Variants in VWA8 observed in about 807,000 individuals in gnomAD.
VWA8 encodes von Willebrand factor A domain-containing protein 8.
Under a neutral mutation model 241.5 loss-of-function variants are expected in VWA8, and 221 were observed. The observed-to-expected ratio is 0.91, with a 90% CI of 0.82 to 1.02. The LOEUF is 1.02. Ranked by LOEUF, VWA8 falls within the 50% of genes least tolerant of loss-of-function variation. VWA8 has a pLI of 0.00. For missense variants in VWA8, 2,322 were observed against 2,328.7 expected, an observed-to-expected ratio of 1.00 and a Z score of 0.06; for synonymous variants, 852 against 827.1, an observed-to-expected ratio of 1.03 and a Z score of -0.52.
chr13:41,581,010 A>AT lies in VWA8; in HGVS notation c.5272-5173dup, dbSNP rs1274814705. On this transcript the variant is annotated intron_variant, in intron 42 of 44. Transcript: ENST00000379310. Reference sequence around the variant, plus strand: ...ATTTTATTTTATTTTATTTTATTTTATTTTTTTTTGAGACGGAGTCTCGCT... The same window carrying AT: ...ATTTTATTTTATTTTATTTTATTTTATTTTTTTTTTGAGACGGAGTCTCGCT... Among the ~76,000 whole-genome samples, 10 of 127,350 alleles carry AT rather than the reference A, an allele frequency of 7.9e-5. 3 individuals are homozygous for AT. The highest frequency in any genetic ancestry group is 5.0e-4 in the South Asian group (2 of 4,000). 83.5% of individuals were successfully genotyped at this position (127,350 alleles called of 152,430 possible).
At position 41,761,120 on chromosome 13, in the gene VWA8, A is replaced by G; in HGVS notation, c.2426+8T>C. On this transcript the variant is annotated splice_region_variant and intron_variant, in intron 21 of 44. Transcript: ENST00000379310. ...ATTTTTAAGAGGTTGTGGGTCTAAT[A>G]GTCTTACCTGTGTAGCTGAATATAT... The G allele has an allele frequency of 6.2e-7, 1 of 1,609,838 alleles. No homozygotes were observed. Among genetic ancestry groups the G allele is most frequent in the Non-Finnish European group, 8.5e-7 (1 of 1,177,550 alleles).
At chr13:41,913,390 T>C (rs570985422) in intron 2 of VWA8, among the ~76,000 whole-genome samples, 1 of 152,298 alleles carries the variant, frequency 6.6e-6, no homozygotes, top group East Asian at 1.9e-4. Context: ...GTTTATTATG[T>C]TGCATTTTAT....
intron 35 of VWA8, among the ~76,000 whole-genome samples, chr13:41,683,898 A>G (rs1451782036): frequency 1.3e-5 from 2 of 152,178 alleles, no homozygotes; most frequent in East Asian, 3.8e-4. Flanking sequence ...ATGCAGGTGC[A>G]CTAAACTCTG....
intron 32 of VWA8, 141 bp from the exon 33 acceptor site, chr13:41,690,416 A>G: frequency 1.5e-6 from 1 of 650,612 alleles, no homozygotes; most frequent in East Asian, 3.0e-5. Context: ...TTTCATCATG[A>G]ATTAACAAAT....
intron 40 of VWA8, among the ~76,000 whole-genome samples, chr13:41,596,208 A>T (rs976580651): frequency 6.6e-6 from 1 of 152,124 alleles, no homozygotes; most frequent in African/African-American, 2.4e-5. Flanking sequence ...TAATAGTAGC[A>T]CTGTTCATTA....
At chr13:41,872,080 G>C (rs1249241668) in intron 9 of VWA8, among the ~76,000 whole-genome samples, 3 of 152,124 alleles carry the variant, frequency 2.0e-5, no homozygotes, top group Non-Finnish European at 4.4e-5. Flanking sequence ...TTTTTCATGT[G>C]TCTTTTGGCT....
At chr13:41,779,286 TTTC>T (rs1868784004) in intron 19 of VWA8, among the ~76,000 whole-genome samples, 1 of 149,532 alleles carries the variant, frequency 6.7e-6, no homozygotes, top group Admixed American at 6.7e-5. Flanking sequence ...CACAGAAATT[TTTC>T]TTTTTACTTG....
chr13:41,942,548 C>T (rs948626138), intron 2 of VWA8, among the ~76,000 whole-genome samples: 2 of 152,170 alleles, frequency 1.3e-5, no homozygotes, highest in Non-Finnish European at 2.9e-5. Flanking sequence ...ATGATGGCCA[C>T]GCATGGGCAG....
In VWA8 at chr13:41,668,590, CT is replaced by C. The variant is rs1453540130; in HGVS notation, c.4611+2355del. The stretch of plus-strand genomic sequence containing the variant: ...CATTTGCTTGTTATTACTGTTGCCC[CT>C]GGAATGACTTCTATTTAGGTTTGGT... On this transcript the variant is annotated intron_variant, in intron 37 of 44. Transcript: ENST00000379310. Among the ~76,000 whole-genome samples, 3 of 152,088 alleles carry C rather than the reference CT, an allele frequency of 2.0e-5. No individual in the cohort carries two copies. The East Asian group carries it at 5.8e-4, about 29-fold the overall frequency.
At chr13:41,863,395 TTGTGTGTGTGTGTG>T (rs140177608) in intron 12 of VWA8, among the ~76,000 whole-genome samples, 3,475 of 89,758 alleles carry the variant, frequency 0.039, 201 homozygotes, top group African/African-American at 0.1. Context: ...TATCTCCTAT[TTGTGTGTGTGTGTG>T]TGTGTGTGTG....
rs548685948 is a variant in VWA8 at position 41,721,546 on chromosome 13, T to A, written c.2788A>T (p.Asn930Tyr). 6.2e-7 allele frequency: 1 copy of A among 1,613,614 alleles called. No homozygotes were observed. Among genetic ancestry groups the A allele is most frequent in the African/African-American group, 1.3e-5 (1 of 75,008 alleles). The stretch of plus-strand genomic sequence containing the variant: ...TCGAGCTCCGAGTGGGGTTTGGGGT[T>A]ATCAACTGCATGGCAGCTAAAAATA... ...GDIFSCHAVDNPKPHSELEML... is the reference protein window; with the variant it reads ...GDIFSCHAVDYPKPHSELEML... The change falls in exon 25 of 45, where the codon AAC becomes TAC. Residue 930 changes from asparagine (N) to tyrosine (Y), a missense_variant. Asn to Tyr is a moderately radical substitution (Grantham distance 143). Transcript: ENST00000379310.
At chr13:41,604,104 T>C (rs1363786278) in intron 40 of VWA8, among the ~76,000 whole-genome samples, 3 of 152,142 alleles carry the variant, frequency 2.0e-5, no homozygotes, top group Admixed American at 2.0e-4. Flanking sequence ...TCACCTCCTC[T>C]GAATCATCCA....
At chr13:41,618,948 G>A (rs572956512) in intron 37 of VWA8, among the ~76,000 whole-genome samples, 1 of 152,300 alleles carries the variant, frequency 6.6e-6, no homozygotes, top group African/African-American at 2.4e-5. Context: ...CATTGTCTTG[G>A]CAATGTGGGC....
chr13:41,841,947 T>G (rs866402029), intron 12 of VWA8, among the ~76,000 whole-genome samples: 1 of 148,796 alleles, frequency 6.7e-6, no homozygotes, highest in Non-Finnish European at 1.5e-5. Context: ...GCTGAATTTC[T>G]GTAGGCTTTC....
At chr13:41,650,006 C>T (rs575603433) in intron 37 of VWA8, among the ~76,000 whole-genome samples, 86 of 152,198 alleles carry the variant, frequency 5.7e-4, no homozygotes, top group African/African-American at 2.1e-3. Context: ...TTAGCCCCTC[C>T]CCTTCAAAGG....
At chr13:41,863,316 T>C (rs1380998703) in intron 12 of VWA8, among the ~76,000 whole-genome samples, 2 of 150,414 alleles carry the variant, frequency 1.3e-5, no homozygotes, top group South Asian at 4.2e-4. Context: ...CAGCCTATTG[T>C]GGGACCTTGT....
At chr13:41,731,532 G>A (rs1260174035) in intron 22 of VWA8, among the ~76,000 whole-genome samples, 1 of 152,010 alleles carries the variant, frequency 6.6e-6, no homozygotes, top group Non-Finnish European at 1.5e-5. Flanking sequence ...AACAAAATAG[G>A]AAAACATGTT....
intron 1 of VWA8, among the ~76,000 whole-genome samples, chr13:41,955,204 G>A (rs1428129102): frequency 6.6e-6 from 1 of 151,966 alleles, no homozygotes; most frequent in Non-Finnish European, 1.5e-5. Context: ...TCTCTAAAGG[G>A]GAATAAGAAT....
At chr13:41,618,121 A>G (rs1033271462) in intron 37 of VWA8, among the ~76,000 whole-genome samples, 2 of 152,152 alleles carry the variant, frequency 1.3e-5, no homozygotes, top group African/African-American at 4.8e-5. Context: ...CTATTTCTCC[A>G]CATCCTCTCC....
Sources: gnomAD v4.1 joint callset for allele counts (sites outside exome capture counted in the v4.1 genomes callset) on GRCh38, gnomAD v4.1.1 for gene constraint, MANE v1.5 for transcripts, NCBI Gene and HGNC (gene_info 2026-07-23, HGNC 2026-07-21) for gene names.